RAD51B: variants seen among roughly 807,000 people sequenced by gnomAD.
The protein encoded by RAD51B is RAD51 paralog B.
A neutral mutation model predicts 42.2 loss-of-function variants in RAD51B; 38 were observed. The observed-to-expected ratio is 0.90, with a 90% CI of 0.70 to 1.18. RAD51B has a LOEUF of 1.18. Among genes scored for constraint, RAD51B ranks in the 50% most tolerant of loss-of-function variants. The probability of loss-of-function intolerance (pLI) is 0.00; values close to 1 mark genes in which losing one functional copy is unlikely to be tolerated. For synonymous variants in RAD51B, 154 were observed against 145.2 expected (o/e 1.06, Z -0.43); for missense variants, 373 against 400.7 (o/e 0.93, Z 0.59).
At chr14:68,207,225 C>T (rs2079609917) in intron 7 of RAD51B, among the ~76,000 whole-genome samples, 1 of 152,100 alleles carries the variant, frequency 6.6e-6, no homozygotes, top group Non-Finnish European at 1.5e-5. Flanking sequence ...CACACACACA[C>T]ATACATATAT....
chr14:67,893,519 C>CAAA (rs2043303777), intron 7 of RAD51B, among the ~76,000 whole-genome samples: 29 of 117,968 alleles, frequency 2.5e-4, no homozygotes, highest in South Asian at 5.5e-4. Flanking sequence ...CAAAAAAAAA[C>CAAA]AATTAGCTGG....
chr14:68,325,015 T>G (rs2082223216), intron 8 of RAD51B, among the ~76,000 whole-genome samples: 1 of 152,208 alleles, frequency 6.6e-6, no homozygotes, highest in South Asian at 2.1e-4. Flanking sequence ...TCAACGAGTA[T>G]GTTTTAATAA....
intron 7 of RAD51B, among the ~76,000 whole-genome samples, chr14:67,924,114 G>C (rs1455661743): frequency 6.6e-6 from 1 of 152,046 alleles, no homozygotes; most frequent in Non-Finnish European, 1.5e-5. Flanking sequence ...TTTCCTTGTA[G>C]ATTCTGGATA....
intron 7 of RAD51B, among the ~76,000 whole-genome samples, chr14:68,237,133 A>AT (rs555653381): frequency 8.3e-4 from 127 of 152,156 alleles, no homozygotes; most frequent in African/African-American, 2.9e-3. Context: ...TTGGAAAAAA[A>AT]TTTTTTTGCT....
chr14:68,197,395 G>A (rs1339989365), intron 7 of RAD51B, among the ~76,000 whole-genome samples: 1 of 152,072 alleles, frequency 6.6e-6, no homozygotes, highest in Non-Finnish European at 1.5e-5. Flanking sequence ...GTATGCCATT[G>A]TAAAAATATA....
rs144640884 is a variant in RAD51B, at chr14:67,871,390, G to C, written c.452+6251G>C. 6.5e-3 allele frequency among the ~76,000 whole-genome samples: 988 copies of C among 152,044 alleles called. 5 individuals carry two copies. The highest frequency in any genetic ancestry group is 1.0e-2 in the Non-Finnish European group (680 of 68,034). ...CACTCTCCCAAGACTAAACCAGGAA[G>C]AAGCTGAATCTCTGAATAGACCAAT... is the stretch of plus-strand genomic sequence containing the variant. On this transcript the variant is annotated intron_variant, in intron 5 of 10. Transcript: ENST00000471583.
chr14:67,998,298 A>G (rs962753140), intron 7 of RAD51B, among the ~76,000 whole-genome samples: 5 of 152,194 alleles, frequency 3.3e-5, no homozygotes, highest in African/African-American at 1.2e-4. Context: ...AAAATATAAA[A>G]ACTGTTCTTA....
At chr14:68,384,864 T>C (rs1171960619) in intron 8 of RAD51B, among the ~76,000 whole-genome samples, 1 of 152,168 alleles carries the variant, frequency 6.6e-6, no homozygotes, top group East Asian at 1.9e-4. Flanking sequence ...TCCCCACCAG[T>C]ATACTCCAAT....
chr14:68,586,645 G>A (rs1026333788), intron 10 of RAD51B, among the ~76,000 whole-genome samples: 1 of 152,098 alleles, frequency 6.6e-6, no homozygotes, highest in African/African-American at 2.4e-5. Flanking sequence ...ACATTAATTC[G>A]GCTTCACAGA....
chr14:68,089,960 A>G (rs1286474847), intron 7 of RAD51B, among the ~76,000 whole-genome samples: 3 of 152,074 alleles, frequency 2.0e-5, no homozygotes, highest in Non-Finnish European at 4.4e-5. Flanking sequence ...ATTATTTTAG[A>G]TTTATATATA....
At chr14:68,227,052 G>A (rs2080052677) in intron 7 of RAD51B, among the ~76,000 whole-genome samples, 1 of 152,198 alleles carries the variant, frequency 6.6e-6, no homozygotes, top group Non-Finnish European at 1.5e-5. Flanking sequence ...TTCAGTTAGT[G>A]AAGGAGGCTT....
intron 10 of RAD51B, among the ~76,000 whole-genome samples, chr14:68,601,927 C>G (rs1257547217): frequency 6.6e-6 from 1 of 152,162 alleles, no homozygotes. Flanking sequence ...CCCATCATTA[C>G]TGCCCTATTT....
intron 10 of RAD51B, among the ~76,000 whole-genome samples, chr14:68,474,863 CA>C (rs1389465749): frequency 6.6e-6 from 1 of 152,238 alleles, no homozygotes; most frequent in African/African-American, 2.4e-5. Flanking sequence ...CCTAAACTAA[CA>C]GTGGTATACA....
In RAD51B at chr14:68,115,108, T is replaced by C. The variant is rs28707036; in HGVS notation, c.757-176776T>C. Reference sequence around the variant, plus strand: ...GACACATGCACACGTATGTTTATTGTGGCATTATTCACAATAGCAAAGACT... The same window carrying C: ...GACACATGCACACGTATGTTTATTGCGGCATTATTCACAATAGCAAAGACT... On this transcript the variant is annotated intron_variant, in intron 7 of 10. Transcript: ENST00000471583. Among the ~76,000 whole-genome samples the C allele has an allele frequency of 1.7e-3, 237 of 135,948 alleles. 2 individuals are homozygous for C. Among genetic ancestry groups the C allele is most frequent in the African/African-American group, 6.9e-3 (194 of 27,948 alleles). The allele number at this position is 135,948 out of a possible 152,430, so 89.2% of individuals were successfully genotyped here.
intron 7 of RAD51B, among the ~76,000 whole-genome samples, chr14:67,993,937 C>T (rs947156010): frequency 2.3e-4 from 35 of 152,244 alleles, no homozygotes; most frequent in African/African-American, 8.2e-4. Flanking sequence ...ATTCTAACAA[C>T]TATATGTTAA....
chr14:68,584,940 T>A (rs1890385017), intron 10 of RAD51B, among the ~76,000 whole-genome samples: 1 of 152,130 alleles, frequency 6.6e-6, no homozygotes, highest in Non-Finnish European at 1.5e-5. Context: ...CCCTCAGGGT[T>A]TGGCAGAGCT....
intron 7 of RAD51B, among the ~76,000 whole-genome samples, chr14:68,120,239 G>A (rs1468373927): frequency 1.3e-5 from 2 of 151,928 alleles, no homozygotes; most frequent in African/African-American, 2.4e-5. Context: ...AGATGAGTAG[G>A]TTGTGAAAAT....
intron 7 of RAD51B, among the ~76,000 whole-genome samples, chr14:68,042,689 G>A (rs1047892956): frequency 6.6e-6 from 1 of 152,138 alleles, no homozygotes; most frequent in African/African-American, 2.4e-5. Context: ...TCTTTGTGAA[G>A]TGTGACTTAT....
chr14:67,967,856 C>A (rs1321410362), intron 7 of RAD51B, among the ~76,000 whole-genome samples: 1 of 152,210 alleles, frequency 6.6e-6, no homozygotes, highest in African/African-American at 2.4e-5. Context: ...CTCCACTAGG[C>A]AGTGTCCCAG....
Sources: gnomAD v4.1 joint callset for allele counts (sites outside exome capture counted in the v4.1 genomes callset) on GRCh38, gnomAD v4.1.1 for gene constraint, MANE v1.5 for transcripts, NCBI Gene and HGNC (gene_info 2026-07-23, HGNC 2026-07-21) for gene names.